Variants in ARHGEF28 observed in about 807,000 individuals in gnomAD.
ARHGEF28 encodes 190 kDa guanine nucleotide exchange factor.
A neutral mutation model predicts 206.6 loss-of-function variants in ARHGEF28; 152 were observed. That is an observed-to-expected ratio of 0.74 (90% CI 0.64 to 0.84). ARHGEF28 has a LOEUF of 0.84. ARHGEF28 is among the 40% of genes least tolerant of loss of function. ARHGEF28 has a pLI of 0.00. For missense variants in ARHGEF28, 2,028 were observed against 2,073.2 expected, an observed-to-expected ratio of 0.98 and a Z score of 0.42; for synonymous variants, 763 against 776.4, an observed-to-expected ratio of 0.98 and a Z score of 0.29.
At chr5:73,861,385 A>G (rs1759391402) in intron 16 of ARHGEF28, among the ~76,000 whole-genome samples, 1 of 152,256 alleles carries the variant, frequency 6.6e-6, no homozygotes, top group Admixed American at 6.5e-5. Context: ...GAAACTTTTT[A>G]TAATATTACC....
In ARHGEF28 at chr5:73,674,051, G is replaced by T. The variant is rs1014085267; in HGVS notation, c.-11-10790G>T. Among the ~76,000 whole-genome samples the T allele has an allele frequency of 1.1e-4, 17 of 151,044 alleles. 1 individual carries two copies. Among genetic ancestry groups the T allele is most frequent in the African/African-American group, 3.9e-4 (16 of 41,050 alleles). ...GTGGGTGTGGTGGTATGCTCCTGCA[G>T]TTCCAGCTACTCAGAGGGCTGAGGT... On this transcript the variant is annotated intron_variant, in intron 1 of 35. Coordinates refer to ENST00000513042, the MANE Select transcript of ARHGEF28 (RefSeq NM_001177693.2).
chr5:73,645,524 G>A (rs571237954), intron 1 of ARHGEF28, among the ~76,000 whole-genome samples: 1 of 152,150 alleles, frequency 6.6e-6, no homozygotes, highest in Non-Finnish European at 1.5e-5. Context: ...CATCTCCCTT[G>A]ACTAATTTTA....
intron 17 of ARHGEF28, 108 bp downstream of exon 17, chr5:73,864,980 C>T: frequency 1.0e-6 from 1 of 959,630 alleles, no homozygotes; most frequent in Middle Eastern, 2.2e-4. Flanking sequence ...CTAAAGCGAT[C>T]ATGATAGCGA....
chr5:73,902,019 A>G (rs189526348), intron 31 of ARHGEF28: 1 of 152,300 alleles, frequency 6.6e-6, no homozygotes, highest in Admixed American at 6.5e-5. Context: ...AGCTTTATCT[A>G]AAATTGAATT....
rs1056633280 is a variant in ARHGEF28 at position 73,911,678 on chromosome 5, G to T, written c.4948+103G>T. On this transcript the variant is annotated intron_variant, in intron 35 of 35. Transcript: ENST00000513042. ...TGAATCAAAGTCCTCCCTAGCATGG[G>T]AATAAATCGGTACTGATGAGCTGGA... The T allele has an allele frequency of 1.4e-4, 162 of 1,196,828 alleles. No individual in the cohort carries two copies. The highest frequency in any genetic ancestry group is 1.7e-4 in the Non-Finnish European group (152 of 868,574). The allele number at this position is 1,196,828 out of a possible 1,614,324, so 74.1% of individuals were successfully genotyped here. A position where few individuals can be genotyped will look rare whatever the true frequency, so the allele number is the denominator to read the frequency against.
chr5:73,883,883 G>A lies in ARHGEF28; in HGVS notation c.3054G>A (p.Lys1018=). Residue 1018 remains lysine, a splice_region_variant and synonymous_variant, in exon 24 of 36, where the codon AAG becomes AAA. Coordinates refer to ENST00000513042, the MANE Select transcript of ARHGEF28 (RefSeq NM_001177693.2). ...VLVERILQYT[K]ERTEEHKDLR... ...TGGAAAGGATATTGCAGTACACAAA[G>A]GGTAAGTTGTGACTTCTGGGATAAA... The A allele has an allele frequency of 2.0e-6, 3 of 1,520,560 alleles. No individual in the cohort carries two copies. Among genetic ancestry groups the A allele is most frequent in the Non-Finnish European group, 1.8e-6 (2 of 1,131,600 alleles). The allele number at this position is 1,520,560 out of a possible 1,614,324, so 94.2% of individuals were successfully genotyped here.
intron 8 of ARHGEF28, 107 bp downstream of exon 8, chr5:73,794,561 C>T: frequency 1.1e-6 from 1 of 920,958 alleles, no homozygotes; most frequent in Non-Finnish European, 1.6e-6. Flanking sequence ...AAGGATGTGC[C>T]CCAAGTCACT....
rs1265333298 is a variant in ARHGEF28 at position 73,876,367 on chromosome 5, C to G, written c.2814+3121C>G. ...GATATACAATGATGTCATCTGCAAA[C>G]AGGGACAATTTGACTTCCTCTTTTC... On this transcript the variant is annotated intron_variant, in intron 22 of 35. Coordinates refer to ENST00000513042, the MANE Select transcript of ARHGEF28 (RefSeq NM_001177693.2). Among the ~76,000 whole-genome samples, 28 of 88,536 alleles carry G rather than the reference C, an allele frequency of 3.2e-4. 6 individuals are homozygous for G. In the Admixed American group the frequency reaches 3.3e-3, roughly 10 times the overall value. 58.1% of individuals were successfully genotyped at this position (88,536 alleles called of 152,430 possible).
intron 3 of ARHGEF28, among the ~76,000 whole-genome samples, chr5:73,751,225 C>A (rs187859669): frequency 6.6e-6 from 1 of 152,156 alleles, no homozygotes; most frequent in Non-Finnish European, 1.5e-5. Context: ...GCCTGGCCAA[C>A]GTGGGGAAAC....
chr5:73,879,298 G>A (rs1016739368), intron 22 of ARHGEF28, among the ~76,000 whole-genome samples: 2 of 152,078 alleles, frequency 1.3e-5, no homozygotes, highest in Admixed American at 6.5e-5. Flanking sequence ...ACACTTCTCT[G>A]TATTGGTTAT....
chr5:73,906,748 G>A (rs1220663833), intron 33 of ARHGEF28, among the ~76,000 whole-genome samples: 3 of 151,692 alleles, frequency 2.0e-5, no homozygotes, highest in African/African-American at 7.3e-5. Context: ...TTTTCACTAA[G>A]TTTATTCATA....
intron 35 of ARHGEF28, among the ~76,000 whole-genome samples, chr5:73,920,702 G>A (rs886437804): frequency 5.3e-5 from 8 of 151,920 alleles, no homozygotes; most frequent in African/African-American, 1.9e-4. Context: ...TCATGCATCA[G>A]GTATTTGCCC....
intron 11 of ARHGEF28, among the ~76,000 whole-genome samples, chr5:73,845,469 C>T (rs540400635): frequency 2.6e-5 from 4 of 152,144 alleles, no homozygotes; most frequent in East Asian, 1.9e-4. Flanking sequence ...TCTGCCCTCC[C>T]GAGCTTCCCA....
At chr5:73,813,459 A>G (rs532760505) in intron 9 of ARHGEF28, 2 of 1,451,724 alleles carry the variant, frequency 1.4e-6, no homozygotes, top group African/African-American at 2.8e-5. Context: ...CCTGGTGTGC[A>G]GGAGCTATTT....
rs182929741 is a variant in ARHGEF28 at position 73,928,621 on chromosome 5, A to G, written c.4949-12223A>G. 4.9e-4 allele frequency among the ~76,000 whole-genome samples: 74 copies of G among 152,206 alleles called. 1 individual carries two copies. Among genetic ancestry groups the G allele is most frequent in the Admixed American group, 4.4e-3 (67 of 15,274 alleles). On this transcript the variant is annotated intron_variant, in intron 35 of 35. Coordinates refer to ENST00000513042, the MANE Select transcript of ARHGEF28 (RefSeq NM_001177693.2). ...AATTTTAACAGCTGTTTTTCCCTCT[A>G]CTGAACCAGTAAGAAGTAAATGCAG...
Position 73,639,949 on chromosome 5 carries a change from C to A in ARHGEF28, c.-12+13627C>A, listed in dbSNP as rs187585830. On this transcript the variant is annotated intron_variant, in intron 1 of 35. Coordinates refer to ENST00000513042, the MANE Select transcript of ARHGEF28 (RefSeq NM_001177693.2). Reference sequence around the variant, plus strand: ...ATCAGTGGCTTTATAAATGTCAATACTGTAGTAAGTGTTGCTTTTTATATT... The same window carrying A: ...ATCAGTGGCTTTATAAATGTCAATAATGTAGTAAGTGTTGCTTTTTATATT... 3.3e-4 allele frequency among the ~76,000 whole-genome samples: 51 copies of A among 152,282 alleles called. No individual in the cohort carries two copies. In the East Asian group the frequency reaches 9.1e-3, roughly 27 times the overall value.
intron 9 of ARHGEF28, among the ~76,000 whole-genome samples, chr5:73,797,111 C>T (rs1754867200): frequency 6.6e-6 from 1 of 152,174 alleles, no homozygotes; most frequent in Admixed American, 6.5e-5. Context: ...ATCATTAAGT[C>T]TGTGAAGGAT....
Position 73,849,036 on chromosome 5 carries a change from T to C in ARHGEF28, c.1696T>C (p.Leu566=), listed in dbSNP as rs1363431628. The C allele has an allele frequency of 1.9e-6, 3 of 1,579,930 alleles. No individual in the cohort carries two copies. Among genetic ancestry groups the C allele is most frequent in the East Asian group, 2.3e-5 (1 of 43,856 alleles). ...TTCTTGCTCATCACCCAAAATTTCT[T>C]TAGGAAAAACTCGTTTGGTGCGTGA... ...SYSCSSPKIS[L]GKTRLVRELT... Residue 566 remains leucine, a synonymous_variant, in exon 13 of 36, where the codon TTA becomes CTA. Coordinates refer to ENST00000513042, the MANE Select transcript of ARHGEF28 (RefSeq NM_001177693.2).
chr5:73,859,391 C>T (rs1182079251), intron 16 of ARHGEF28, among the ~76,000 whole-genome samples: 1 of 152,150 alleles, frequency 6.6e-6, no homozygotes, highest in African/African-American at 2.4e-5. Flanking sequence ...AACAGAGGAG[C>T]AGGGGAAGTT....
Sources: allele counts gnomAD v4.1 joint callset (sites outside exome capture counted in the v4.1 genomes callset), GRCh38; gene constraint gnomAD v4.1.1; transcripts MANE v1.5; gene names NCBI Gene and HGNC (gene_info 2026-07-23, HGNC 2026-07-21).